The following UBE2W variants were observed in gnomAD, a reference collection of about 807,000 sequenced individuals.
UBE2W encodes ubiquitin conjugating enzyme E2 W.
UBE2W carries 18 observed loss-of-function variants against 27.2 expected under a neutral mutation model. That is an observed-to-expected ratio of 0.66 (90% CI 0.46 to 0.98). The LOEUF (loss-of-function observed/expected upper bound fraction) is 0.98. Among genes scored for constraint, UBE2W ranks in the 50% least tolerant of loss-of-function variants. The pLI, the probability that UBE2W is intolerant of heterozygous loss-of-function variation, is 0.00. For missense variants in UBE2W, 90 were observed against 180.2 expected (o/e 0.50, Z 2.87); for synonymous variants, 53 against 57.2 (o/e 0.93, Z 0.33).
rs1586437710 is a variant in UBE2W, at chr8:73,793,894, T to A, written c.*208A>T. On this transcript the variant is annotated 3_prime_UTR_variant, in exon 6 of 6. Transcript: ENST00000602593. ...TCCTGACACCTGCATTAATACTGTA[T>A]GACTAATAAAAGCATGTCAGTTGCC... The A allele has an allele frequency of 7.1e-7, 1 of 1,399,864 alleles. No homozygotes were observed. The highest frequency in any genetic ancestry group is 2.6e-5 in the East Asian group (1 of 38,398). 86.7% of individuals were successfully genotyped at this position (1,399,864 alleles called of 1,614,324 possible).
intron 1 of UBE2W, among the ~76,000 whole-genome samples, chr8:73,877,329 G>A (rs1469956457): frequency 6.6e-6 from 1 of 152,134 alleles, no homozygotes; most frequent in African/African-American, 2.4e-5. Context: ...AAAGTATAAT[G>A]TTTCCTGAAA....
rs965157579 is a variant in UBE2W at position 73,830,535 on chromosome 8, G to T, written c.16-63C>A. The T allele has an allele frequency of 7.8e-5, 102 of 1,306,214 alleles. No homozygotes were observed. In the Admixed American group the frequency reaches 1.7e-3, roughly 21 times the overall value. 80.9% of individuals were successfully genotyped at this position (1,306,214 alleles called of 1,614,324 possible). On this transcript the variant is annotated intron_variant, in intron 1 of 5. Transcript: ENST00000602593. ...GACTAGGTCTGGGTCACCCAGGTTG[G>T]AGTACAGTGGTGTGATCACAGCTCA...
chr8:73,780,926 A>G (rs1807829492), intron 4 of UBE2W, among the ~76,000 whole-genome samples: 1 of 152,176 alleles, frequency 6.6e-6, no homozygotes. Flanking sequence ...GATCGCTTCA[A>G]AGACATTCAG....
At chr8:73,807,716 T>C (rs1213030318) in intron 4 of UBE2W, among the ~76,000 whole-genome samples, 3 of 152,204 alleles carry the variant, frequency 2.0e-5, no homozygotes, top group African/African-American at 2.4e-5. Context: ...ATTTTATGTA[T>C]ATGTTGATTA....
chr8:73,801,533 T>G (rs533915571), intron 5 of UBE2W, among the ~76,000 whole-genome samples: 1 of 152,354 alleles, frequency 6.6e-6, no homozygotes, highest in African/African-American at 2.4e-5. Context: ...TGAATCTATC[T>G]GAACCAGAAT....
intron 1 of UBE2W, among the ~76,000 whole-genome samples, chr8:73,839,769 C>G (rs1460638840): frequency 6.8e-6 from 1 of 147,150 alleles, no homozygotes; most frequent in Non-Finnish European, 1.5e-5. Flanking sequence ...TGCTCTGCCA[C>G]CCAGGCTGGA....
chr8:73,867,189 C>T (rs1811813217), intron 1 of UBE2W, among the ~76,000 whole-genome samples: 1 of 151,656 alleles, frequency 6.6e-6, no homozygotes, highest in Admixed American at 6.6e-5. Flanking sequence ...TCACTTAAGG[C>T]CAGGAGTTCG....
In UBE2W at chr8:73,805,633, C is replaced by G; in HGVS notation, c.442+18G>C. On this transcript the variant is annotated intron_variant, in intron 5 of 5. Coordinates refer to ENST00000602593, the MANE Select transcript of UBE2W (RefSeq NM_018299.6). ...ATATCAAAATGCTAAAAAGTTATTACAAATTCAAACTGCTTACCATGATAC... is the reference window on the plus strand; with the variant it reads ...ATATCAAAATGCTAAAAAGTTATTAGAAATTCAAACTGCTTACCATGATAC... The G allele has an allele frequency of 6.9e-7, 1 of 1,456,072 alleles. No individual in the cohort carries two copies. Among genetic ancestry groups the G allele is most frequent in the Non-Finnish European group, 9.2e-7 (1 of 1,086,988 alleles). The allele number at this position is 1,456,072 out of a possible 1,614,324, so 90.2% of individuals were successfully genotyped here.
At chr8:73,865,769 G>A (rs1483828394) in intron 1 of UBE2W, among the ~76,000 whole-genome samples, 1 of 151,988 alleles carries the variant, frequency 6.6e-6, no homozygotes, top group African/African-American at 2.4e-5. Flanking sequence ...TTCCTTTCAT[G>A]TAGTACAAAA....
chr8:73,866,530 A>G (rs1180931327), intron 1 of UBE2W, among the ~76,000 whole-genome samples: 1 of 151,376 alleles, frequency 6.6e-6, no homozygotes, highest in Non-Finnish European at 1.5e-5. Context: ...TAATCCCTAC[A>G]TTATATGCAA....
At chr8:73,831,007 A>T (rs572826767) in intron 1 of UBE2W, 3 of 194,912 alleles carry the variant, frequency 1.5e-5, no homozygotes, top group Non-Finnish European at 3.1e-5. Flanking sequence ...AGCTGAATGT[A>T]TGGAGTTTCC....
At chr8:73,798,711 C>T (rs1007701375) in intron 5 of UBE2W, among the ~76,000 whole-genome samples, 2 of 152,188 alleles carry the variant, frequency 1.3e-5, no homozygotes, top group Non-Finnish European at 2.9e-5. Context: ...CAAAGAGACA[C>T]ATTCAAAAGA....
At chr8:73,805,472 C>CAAAAAAACAAAAAAAAA (rs1808855322) in intron 5 of UBE2W, among the ~76,000 whole-genome samples, 179 bp downstream of exon 5, 1 of 43,676 alleles carries the variant, frequency 2.3e-5, no homozygotes, top group Non-Finnish European at 5.0e-5. Flanking sequence ...AAAAAAAAAA[C>CAAAAAAACAAAAAAAAA]AAAAAAAACT....
intron 1 of UBE2W, among the ~76,000 whole-genome samples, chr8:73,852,139 T>G (rs1446590841): frequency 3.3e-5 from 5 of 151,996 alleles, no homozygotes; most frequent in African/African-American, 1.2e-4. Context: ...TAAGATTAGT[T>G]TTGGACCTGA....
At chr8:73,837,508 T>C (rs937946599) in intron 1 of UBE2W, among the ~76,000 whole-genome samples, 1 of 152,046 alleles carries the variant, frequency 6.6e-6, no homozygotes, top group African/African-American at 2.4e-5. Flanking sequence ...GTGAGACTCT[T>C]GTCTTAAAAA....
intron 1 of UBE2W, among the ~76,000 whole-genome samples, chr8:73,832,526 C>A (rs1388015979): frequency 6.6e-6 from 1 of 152,120 alleles, no homozygotes; most frequent in Non-Finnish European, 1.5e-5. Flanking sequence ...TCGATTTCTT[C>A]CACACTGGAA....
At chr8:73,800,746 A>G (rs1321760355) in intron 5 of UBE2W, among the ~76,000 whole-genome samples, 1 of 152,208 alleles carries the variant, frequency 6.6e-6, no homozygotes, top group African/African-American at 2.4e-5. Context: ...TTTCTACTTC[A>G]GTCAGCAAAG....
Position 73,855,745 on chromosome 8 carries a change from T to A in UBE2W, c.15+23063A>T, listed in dbSNP as rs188481103. On this transcript the variant is annotated intron_variant, in intron 1 of 5. Coordinates refer to ENST00000602593, the MANE Select transcript of UBE2W (RefSeq NM_018299.6). ...TGACTGTGAACAGTGCTGTATATGGTCTGTAAGTGTGTAGGTATGAAAGTT... is the reference window on the plus strand; with the variant it reads ...TGACTGTGAACAGTGCTGTATATGGACTGTAAGTGTGTAGGTATGAAAGTT... 2.2e-3 allele frequency among the ~76,000 whole-genome samples: 331 copies of A among 152,268 alleles called. 1 individual carries two copies. The highest frequency in any genetic ancestry group is 7.5e-3 in the African/African-American group (313 of 41,568).
At chr8:73,829,890 CA>C (rs750670304) in intron 2 of UBE2W, among the ~76,000 whole-genome samples, 22 of 152,106 alleles carry the variant, frequency 1.4e-4, no homozygotes, top group Non-Finnish European at 4.4e-5. Flanking sequence ...TCCATGATTT[CA>C]GAACATTTAC....
Sources: allele counts gnomAD v4.1 joint callset (sites outside exome capture counted in the v4.1 genomes callset), GRCh38; gene constraint gnomAD v4.1.1; transcripts MANE v1.5; gene names NCBI Gene and HGNC (gene_info 2026-07-23, HGNC 2026-07-21).